CYP51A1: variants seen among roughly 807,000 people sequenced by gnomAD.
CYP51A1 encodes lanosterol 14-alpha demethylase.
In CYP51A1, 45 loss-of-function variants were observed where a neutral mutation model predicts 53.5. That is an observed-to-expected ratio of 0.84 (90% confidence interval 0.66 to 1.08). The LOEUF is 1.08. Ranked by LOEUF, CYP51A1 falls within the 50% of genes least tolerant of loss-of-function variation. The pLI, the probability that CYP51A1 is intolerant of heterozygous loss-of-function variation, is 0.00. For synonymous variants in CYP51A1, 181 were observed against 217.7 expected, an observed-to-expected ratio of 0.83 and a Z score of 1.48; for missense variants, 462 against 621.7, an observed-to-expected ratio of 0.74 and a Z score of 2.73.
intron 2 of CYP51A1, 46 bp downstream of exon 2, chr7:92,131,728 C>T: frequency 9.7e-7 from 1 of 1,027,620 alleles, no homozygotes; most frequent in South Asian, 1.4e-5. Flanking sequence ...AAAAGCACTT[C>T]TCTAGTTGTT....
chr7:92,123,355 A>G (rs764764887), intron 6 of CYP51A1, 40 bp from the exon 7 acceptor site: 29 of 1,539,436 alleles, frequency 1.9e-5, no homozygotes, highest in Non-Finnish European at 2.5e-5. Flanking sequence ...ACATTTTGGC[A>G]GATACATTTC....
chr7:92,127,759 A>G (rs1819830564), intron 3 of CYP51A1, 128 bp from the exon 4 acceptor site: 1 of 876,064 alleles, frequency 1.1e-6, no homozygotes, highest in African/African-American at 1.7e-5. Context: ...GGGCATTTAC[A>G]TTTTAAGAGT....
intron 1 of CYP51A1, among the ~76,000 whole-genome samples, chr7:92,132,465 G>A (rs1819942999): frequency 6.6e-6 from 1 of 151,890 alleles, no homozygotes; most frequent in Non-Finnish European, 1.5e-5. Flanking sequence ...TTATTGTTGT[G>A]TTATTTTGTA....
chr7:92,119,726 C>G (rs1242904122), intron 7 of CYP51A1, among the ~76,000 whole-genome samples: 1 of 151,616 alleles, frequency 6.6e-6, no homozygotes, highest in African/African-American at 2.4e-5. Flanking sequence ...AAAAACACAC[C>G]AAAACAGGAA....
At chr7:92,124,836 C>CA (rs1366240141) in intron 5 of CYP51A1, among the ~76,000 whole-genome samples, 4 of 152,204 alleles carry the variant, frequency 2.6e-5, no homozygotes, top group Non-Finnish European at 5.9e-5. Flanking sequence ...CAGGTAGAAA[C>CA]AGGCAGGTAG....
In CYP51A1 at chr7:92,112,438, C is replaced by T. The variant is rs1445871458; in HGVS notation, c.*1227G>A. 6.6e-6 allele frequency: 1 copy of T among 152,142 alleles called. No individual in the cohort carries two copies. The highest frequency in any genetic ancestry group is 1.9e-4 in the East Asian group (1 of 5,196). The allele number at this position is 152,142 out of a possible 1,614,324, so 9.4% of individuals were successfully genotyped here. On this transcript the variant is annotated 3_prime_UTR_variant, in exon 10 of 10. Transcript: ENST00000003100. ...GACCTTGTTTCAGATTATCTTAAAA[C>T]CAGAGTTCACTGATCTCACATTTTA... is the stretch of plus-strand genomic sequence containing the variant.
At chr7:92,128,809 T>TAATG in intron 3 of CYP51A1, 71 bp downstream of exon 3, 1 of 1,318,928 alleles carries the variant, frequency 7.6e-7, no homozygotes, top group Non-Finnish European at 1.0e-6. Flanking sequence ...TTTAAATGTA[T>TAATG]AATGTCTCAC....
intron 7 of CYP51A1, among the ~76,000 whole-genome samples, chr7:92,121,149 G>T (rs1819684202): frequency 6.6e-6 from 1 of 151,996 alleles, no homozygotes; most frequent in South Asian, 2.1e-4. Flanking sequence ...AATTAGCCAG[G>T]CGTGGTGGTG....
Position 92,113,861 on chromosome 7 carries a change from T to G in CYP51A1, c.1352-18A>C, listed in dbSNP as rs1819522019. On this transcript the variant is annotated intron_variant, in intron 9 of 9. Transcript: ENST00000003100. ...ATGACGCCCTAAAAAAAAGAAAAAG[T>G]TATAAGAATCAGTTTAAATTCTTTC... 1 of 1,555,414 alleles carries G rather than the reference T, an allele frequency of 6.4e-7. No homozygotes were observed. The highest frequency in any genetic ancestry group is 2.1e-5 in the Admixed American group (1 of 48,698).
intron 7 of CYP51A1, among the ~76,000 whole-genome samples, chr7:92,122,195 T>A (rs1819706350): frequency 6.8e-6 from 1 of 146,392 alleles, no homozygotes; most frequent in Admixed American, 6.7e-5. Context: ...ACAAATAAAT[T>A]GAATTAGTAA....
intron 8 of CYP51A1, among the ~76,000 whole-genome samples, chr7:92,117,940 A>G (rs1420150390): frequency 6.6e-6 from 1 of 151,160 alleles, no homozygotes; most frequent in African/African-American, 2.4e-5. Flanking sequence ...GTGAGCTGAG[A>G]TCGCACCACT....
intron 3 of CYP51A1, 64 bp from the exon 4 acceptor site, chr7:92,127,695 A>T: frequency 6.6e-7 from 1 of 1,523,542 alleles, no homozygotes; most frequent in Non-Finnish European, 9.0e-7. Flanking sequence ...CATAAAATCC[A>T]TTTAGGTTAT....
In CYP51A1 at chr7:92,112,483, A is replaced by G. The variant is rs771657181; in HGVS notation, c.*1182T>C. On this transcript the variant is annotated 3_prime_UTR_variant, in exon 10 of 10. Transcript: ENST00000003100. The stretch of plus-strand genomic sequence containing the variant: ...ATTTTAAAAAGAAAAAAGTTTGTTA[A>G]CTGTTTTAATCAATATGAGTAGTAA... 6.6e-6 allele frequency: 1 copy of G among 152,184 alleles called. No individual in the cohort carries two copies. The highest frequency in any genetic ancestry group is 1.5e-5 in the Non-Finnish European group (1 of 68,036). The allele number at this position is 152,184 out of a possible 1,614,324, so 9.4% of individuals were successfully genotyped here.
intron 1 of CYP51A1, among the ~76,000 whole-genome samples, chr7:92,132,101 A>G (rs1819934354): frequency 6.6e-6 from 1 of 152,214 alleles, no homozygotes; most frequent in Non-Finnish European, 1.5e-5. Context: ...TATAAGATAA[A>G]CGACCAGATA....
At chr7:92,123,091 C>A in intron 7 of CYP51A1, 29 bp downstream of exon 7, 2 of 1,557,030 alleles carry the variant, frequency 1.3e-6, no homozygotes, top group Non-Finnish European at 1.8e-6. Flanking sequence ...AGTCATAAGG[C>A]AGCAATGAAA....
At chr7:92,115,795 A>C (rs1165191364) in intron 9 of CYP51A1, among the ~76,000 whole-genome samples, 1 of 152,248 alleles carries the variant, frequency 6.6e-6, no homozygotes, top group South Asian at 2.1e-4. Flanking sequence ...CAGCTTTAAC[A>C]TAAGGCTCTA....
At chr7:92,127,770 C>A (rs1819830762) in intron 3 of CYP51A1, 139 bp from the exon 4 acceptor site, 2 of 773,358 alleles carry the variant, frequency 2.6e-6, no homozygotes, top group South Asian at 3.5e-5. Flanking sequence ...TTTTAAGAGT[C>A]TAAATGAATA....
chr7:92,120,925 A>G (rs1339180038), intron 7 of CYP51A1, among the ~76,000 whole-genome samples: 1 of 152,190 alleles, frequency 6.6e-6, no homozygotes, highest in East Asian at 1.9e-4. Context: ...TTCTCCAAAG[A>G]AGTATACCAA....
At chr7:92,134,092 G>T in intron 1 of CYP51A1, 81 bp downstream of exon 1, 2 of 1,414,184 alleles carry the variant, frequency 1.4e-6, no homozygotes, top group Non-Finnish European at 2.0e-6. Flanking sequence ...GCCGGTCGGG[G>T]CCACGGAGCC....
Sources: allele counts gnomAD v4.1 joint callset (sites outside exome capture counted in the v4.1 genomes callset), GRCh38; gene constraint gnomAD v4.1.1; transcripts MANE v1.5; gene names NCBI Gene and HGNC (gene_info 2026-07-23, HGNC 2026-07-21).